The following VMP1 variants were observed in gnomAD, a reference collection of about 807,000 sequenced individuals.
VMP1 encodes ectopic P-granules autophagy protein 3 homolog.
A neutral mutation model predicts 56.0 loss-of-function variants in VMP1; 11 were observed. That is an observed-to-expected ratio of 0.20 (90% CI 0.12 to 0.32). The LOEUF (loss-of-function observed/expected upper bound fraction) is 0.32, where lower values mean the gene tolerates loss of function less well. Among genes scored for constraint, VMP1 ranks in the 10% least tolerant of loss-of-function variants. The pLI is 1.00. For missense variants in VMP1, 296 were observed against 490.3 expected, an observed-to-expected ratio of 0.60 and a Z score of 3.74; for synonymous variants, 149 against 165.0, an observed-to-expected ratio of 0.90 and a Z score of 0.74.
rs2036187651 is a variant in VMP1, at chr17:59,765,150, A to G, written c.582+12A>G. ...AAGCCTGCATGTGGGTAAGATATGCATTTTCATATTTGTTTAAAACTAACC... is the reference window on the plus strand; with the variant it reads ...AAGCCTGCATGTGGGTAAGATATGCGTTTTCATATTTGTTTAAAACTAACC... On this transcript the variant is annotated intron_variant, in intron 6 of 11. Transcript: ENST00000262291. 6.2e-7 allele frequency: 1 copy of G among 1,611,306 alleles called. No individual in the cohort carries two copies. Among genetic ancestry groups the G allele is most frequent in the Non-Finnish European group, 8.5e-7 (1 of 1,179,034 alleles).
rs183019732 is a variant in VMP1 at position 59,739,478 on chromosome 17, A to G, written c.414+531A>G. On this transcript the variant is annotated intron_variant, in intron 5 of 11. Transcript: ENST00000262291. ...GGTGGCTCACGCCTGTAATCCCAGC[A>G]CTTTGGGAGGCCAAGGCGGGCAGAT... is the stretch of plus-strand genomic sequence containing the variant. Among the ~76,000 whole-genome samples, 153 of 151,960 alleles carry G rather than the reference A, an allele frequency of 1.0e-3. 1 individual carries two copies. Among genetic ancestry groups the G allele is most frequent in the African/African-American group, 3.5e-3 (144 of 41,440 alleles).
chr17:59,748,291 A>G (rs917191508), intron 5 of VMP1, among the ~76,000 whole-genome samples: 7 of 152,152 alleles, frequency 4.6e-5, no homozygotes, highest in Non-Finnish European at 1.0e-4. Context: ...GTCAGGTGTA[A>G]TACCAAACAT....
chr17:59,789,835 C>CTTTTTTTTTTTT lies in VMP1; in HGVS notation c.714+15961_714+15972dup, dbSNP rs754631557. On this transcript the variant is annotated intron_variant, in intron 7 of 11. Transcript: ENST00000262291. ...TTCCTTCCTTCCTTTCTTTCTTTCC[C>CTTTTTTTTTTTT]TTTTTTTTTTTTTTTTTTTTTTGAG... Among the ~76,000 whole-genome samples the CTTTTTTTTTTTT allele has an allele frequency of 7.1e-4, 61 of 85,972 alleles. 2 individuals carry two copies. Among genetic ancestry groups the CTTTTTTTTTTTT allele is most frequent in the African/African-American group, 1.7e-3 (36 of 20,690 alleles). The allele number at this position is 85,972 out of a possible 152,430, so 56.4% of individuals were successfully genotyped here. A position where few individuals can be genotyped will look rare whatever the true frequency, so the allele number is the denominator to read the frequency against.
chr17:59,731,340 T>A, intron 1 of VMP1, 81 bp from the exon 2 acceptor site: 1 of 792,484 alleles, frequency 1.3e-6, no homozygotes, highest in South Asian at 1.9e-5. Flanking sequence ...TGTGATGTTA[T>A]TCCTGTATTC....
chr17:59,735,634 A>C, intron 3 of VMP1, 161 bp downstream of exon 3: 2 of 729,646 alleles, frequency 2.7e-6, no homozygotes, highest in Non-Finnish European at 4.2e-6. Flanking sequence ...TTTAGGTTGA[A>C]GAAAAATAGA....
intron 7 of VMP1, among the ~76,000 whole-genome samples, chr17:59,808,179 A>G (rs1331917975): frequency 6.6e-6 from 1 of 152,224 alleles, no homozygotes. Context: ...AACTGACATT[A>G]TGATCTTGAT....
intron 1 of VMP1, among the ~76,000 whole-genome samples, chr17:59,715,131 A>G (rs1320475755): frequency 6.6e-6 from 1 of 151,816 alleles, no homozygotes; most frequent in Non-Finnish European, 1.5e-5. Flanking sequence ...TGTTTTCGCT[A>G]CTCTAAGTTT....
At chr17:59,708,201 G>A (rs1228815013) in intron 1 of VMP1, 4 of 152,234 alleles carry the variant, frequency 2.6e-5, no homozygotes, top group Non-Finnish European at 2.9e-5. Context: ...ACGAAATCCA[G>A]GCGTGCAAGT....
intron 5 of VMP1, among the ~76,000 whole-genome samples, chr17:59,742,734 T>C (rs1332168785): frequency 2.0e-5 from 3 of 152,086 alleles, no homozygotes; most frequent in Non-Finnish European, 4.4e-5. Flanking sequence ...AAGTGAAGCT[T>C]CATCTGTATT....
chr17:59,761,224 C>T (rs916369689), intron 5 of VMP1, among the ~76,000 whole-genome samples: 4 of 152,262 alleles, frequency 2.6e-5, no homozygotes, highest in East Asian at 3.9e-4. Flanking sequence ...TTCTTTGTGT[C>T]GATCCTGACT....
chr17:59,709,249 AATCTG>A (rs569036595), intron 1 of VMP1, among the ~76,000 whole-genome samples: 354 of 152,324 alleles, frequency 2.3e-3, no homozygotes, highest in African/African-American at 8.1e-3. Context: ...ATAACTGCCA[AATCTG>A]ATCTTATCTT....
intron 5 of VMP1, among the ~76,000 whole-genome samples, chr17:59,741,550 GTTA>G (rs2035226640): frequency 6.6e-6 from 1 of 152,264 alleles, no homozygotes; most frequent in African/African-American, 2.4e-5. Flanking sequence ...AGTGTGGTAC[GTTA>G]TTATGGAGGA....
Position 59,730,381 on chromosome 17 carries a change from T to G in VMP1, c.-26-1040T>G, listed in dbSNP as rs137967801. ...CCTGAGCCCAAGCAATCCTCCCACC[T>G]CAGCCTCCTGAGCAACTAGAACTAC... On this transcript the variant is annotated intron_variant, in intron 1 of 11. Transcript: ENST00000262291. 1.5e-4 allele frequency among the ~76,000 whole-genome samples: 23 copies of G among 152,130 alleles called. No individual in the cohort carries two copies. In the East Asian group the frequency reaches 4.1e-3, roughly 27 times the overall value.
chr17:59,737,431 A>AT (rs755026145), intron 3 of VMP1, 22 bp from the exon 4 acceptor site: 53 of 1,593,174 alleles, frequency 3.3e-5, no homozygotes, highest in Non-Finnish European at 4.2e-5. Flanking sequence ...TGAGATATTT[A>AT]TTTTTTTTAT....
chr17:59,776,485 A>G (rs2036621291), intron 7 of VMP1, among the ~76,000 whole-genome samples: 1 of 152,208 alleles, frequency 6.6e-6, no homozygotes, highest in Non-Finnish European at 1.5e-5. Context: ...ATTATTTTTA[A>G]CATTTTAAAA....
At chr17:59,765,884 C>T (rs2036214610) in intron 6 of VMP1, among the ~76,000 whole-genome samples, 1 of 151,182 alleles carries the variant, frequency 6.6e-6, no homozygotes, top group Non-Finnish European at 1.5e-5. Flanking sequence ...ATTTCTATAC[C>T]TGATAAACTT....
chr17:59,780,329 G>A (rs574111724), intron 7 of VMP1, among the ~76,000 whole-genome samples: 22 of 152,212 alleles, frequency 1.4e-4, no homozygotes, highest in African/African-American at 5.3e-4. Flanking sequence ...AGTGGCTCAC[G>A]CCTGTAATTC....
At chr17:59,713,272 G>A in intron 1 of VMP1, among the ~76,000 whole-genome samples, 1 of 150,906 alleles carries the variant, frequency 6.6e-6, no homozygotes, top group East Asian at 1.9e-4. Context: ...AAGGAGGGAG[G>A]GATAGCATTA....
At chr17:59,815,991 G>C (rs1483071271) in intron 9 of VMP1, among the ~76,000 whole-genome samples, 1 of 148,134 alleles carries the variant, frequency 6.8e-6, no homozygotes, top group Non-Finnish European at 1.5e-5. Flanking sequence ...CCTTTCCTTT[G>C]TTTCTTCTAT....
Sources: gnomAD v4.1 joint callset for allele counts (sites outside exome capture counted in the v4.1 genomes callset) on GRCh38, gnomAD v4.1.1 for gene constraint, MANE v1.5 for transcripts, NCBI Gene and HGNC (gene_info 2026-07-23, HGNC 2026-07-21) for gene names.